The following KLHL2 variants were observed in gnomAD, a reference collection of about 807,000 sequenced individuals.
The protein encoded by KLHL2 is kelch-like protein 2.
A neutral mutation model predicts 75.8 loss-of-function variants in KLHL2; 15 were observed. That is an observed-to-expected ratio of 0.20 (90% CI 0.13 to 0.30). KLHL2 has a LOEUF of 0.30. Among genes scored for constraint, KLHL2 ranks in the 10% least tolerant of loss-of-function variants. The pLI is 1.00. For missense variants in KLHL2, 381 were observed against 741.0 expected (o/e 0.51, Z 5.64); for synonymous variants, 214 against 251.9 (o/e 0.85, Z 1.42).
intron 5 of KLHL2, among the ~76,000 whole-genome samples, chr4:165,286,354 G>A (rs893293946): frequency 3.9e-5 from 6 of 152,158 alleles, no homozygotes; most frequent in African/African-American, 2.4e-5. Flanking sequence ...ATTGGGGTTT[G>A]GGGGGAGAGG....
At chr4:165,237,826 T>C (rs1286384465) in intron 3 of KLHL2, among the ~76,000 whole-genome samples, 1 of 152,048 alleles carries the variant, frequency 6.6e-6, no homozygotes, top group African/African-American at 2.4e-5. Context: ...TCTTGGACTG[T>C]CCTTTTAGTT....
intron 13 of KLHL2, among the ~76,000 whole-genome samples, chr4:165,315,979 G>C (rs1019882988): frequency 1.3e-5 from 2 of 152,116 alleles, no homozygotes; most frequent in African/African-American, 4.8e-5. Flanking sequence ...TTAATACCTA[G>C]CACATCTGTA....
chr4:165,277,438 A>G (rs1170134408), intron 5 of KLHL2, among the ~76,000 whole-genome samples: 1 of 152,240 alleles, frequency 6.6e-6, no homozygotes, highest in Admixed American at 6.5e-5. Flanking sequence ...AATTTAGTAG[A>G]TATTTCTATT....
At chr4:165,233,306 G>A (rs1443570538) in intron 3 of KLHL2, among the ~76,000 whole-genome samples, 2 of 152,184 alleles carry the variant, frequency 1.3e-5, no homozygotes, top group South Asian at 2.1e-4. Flanking sequence ...TTGGGTTCTC[G>A]TGTTTTTAGA....
intron 4 of KLHL2, among the ~76,000 whole-genome samples, chr4:165,241,739 C>A (rs1439486954): frequency 2.6e-5 from 4 of 152,140 alleles, no homozygotes; most frequent in African/African-American, 9.7e-5. Context: ...CAGGGCCATA[C>A]CCCTGGTTTC....
chr4:165,238,635 G>T lies in KLHL2; in HGVS notation c.260-143G>T. 9 of 1,484,330 alleles carry T rather than the reference G, an allele frequency of 6.1e-6. No individual in the cohort carries two copies. In the South Asian group the frequency reaches 1.2e-4, roughly 20 times the overall value. The allele number at this position is 1,484,330 out of a possible 1,614,324, so 91.9% of individuals were successfully genotyped here. ...GAGCTTTTGGAAGAGGAAGGGGGGA[G>T]TATTTTCGGCCTGCAAAAAGTGGCT... On this transcript the variant is annotated intron_variant, in intron 3 of 14. Transcript: ENST00000226725.
intron 4 of KLHL2, among the ~76,000 whole-genome samples, chr4:165,249,242 T>C (rs1378533121): frequency 6.6e-6 from 1 of 152,196 alleles, no homozygotes; most frequent in Non-Finnish European, 1.5e-5. Flanking sequence ...TGTTAGCTCC[T>C]TCAGAGTTGA....
chr4:165,217,828 A>T (rs745536296), intron 1 of KLHL2, among the ~76,000 whole-genome samples: 2 of 152,206 alleles, frequency 1.3e-5, no homozygotes, highest in Non-Finnish European at 2.9e-5. Context: ...TGGTGATTTG[A>T]TGCCTTCACT....
At chr4:165,298,885 G>A (rs1217561854) in intron 7 of KLHL2, among the ~76,000 whole-genome samples, 1 of 151,814 alleles carries the variant, frequency 6.6e-6, no homozygotes, top group Non-Finnish European at 1.5e-5. Context: ...TGCCAGGATT[G>A]TACCACTGAA....
intron 13 of KLHL2, among the ~76,000 whole-genome samples, chr4:165,314,810 A>G (rs903371988): frequency 6.6e-6 from 1 of 152,168 alleles, no homozygotes; most frequent in East Asian, 1.9e-4. Flanking sequence ...CAAGATAGCT[A>G]CATAGCCTTT....
At chr4:165,226,011 G>GT (rs971533382) in intron 2 of KLHL2, among the ~76,000 whole-genome samples, 4 of 152,194 alleles carry the variant, frequency 2.6e-5, no homozygotes, top group Non-Finnish European at 5.9e-5. Flanking sequence ...ATGAATAATT[G>GT]TAATTGAAAC....
chr4:165,309,194 G>A (rs1017276323), intron 9 of KLHL2, among the ~76,000 whole-genome samples: 6 of 152,036 alleles, frequency 3.9e-5, no homozygotes, highest in Non-Finnish European at 8.8e-5. Flanking sequence ...TATTATAGAC[G>A]GTACATTTAT....
At chr4:165,288,958 C>T (rs1054226804) in intron 5 of KLHL2, among the ~76,000 whole-genome samples, 3 of 151,704 alleles carry the variant, frequency 2.0e-5, no homozygotes, top group Non-Finnish European at 4.4e-5. Flanking sequence ...ATGAACTAAG[C>T]ACCAGACAGA....
At chr4:165,262,644 T>C (rs1741785746) in intron 4 of KLHL2, among the ~76,000 whole-genome samples, 3 of 152,122 alleles carry the variant, frequency 2.0e-5, no homozygotes, top group Non-Finnish European at 4.4e-5. Flanking sequence ...TGTGGGGTGA[T>C]CACAGATTAC....
intron 5 of KLHL2, among the ~76,000 whole-genome samples, chr4:165,286,235 G>A (rs1421533497): frequency 7.2e-5 from 11 of 152,112 alleles, no homozygotes; most frequent in Admixed American, 5.2e-4. Context: ...AGGACTGCTT[G>A]TATGTGGTAC....
chr4:165,235,341 C>T lies in KLHL2; in HGVS notation c.260-3437C>T, dbSNP rs191296833. Reference sequence around the variant, plus strand: ...TCAGCCTCTCACGTAGCTGGGATTACAGGCATGTACCAGCATGCCTGGCTA... The same window carrying T: ...TCAGCCTCTCACGTAGCTGGGATTATAGGCATGTACCAGCATGCCTGGCTA... On this transcript the variant is annotated intron_variant, in intron 3 of 14. Transcript: ENST00000226725. Among the ~76,000 whole-genome samples, 25 of 152,304 alleles carry T rather than the reference C, an allele frequency of 1.6e-4. No homozygotes were observed. In the East Asian group the frequency reaches 4.6e-3, roughly 28 times the overall value.
At chr4:165,269,826 T>G (rs1030184620) in intron 5 of KLHL2, among the ~76,000 whole-genome samples, 1 of 152,020 alleles carries the variant, frequency 6.6e-6, no homozygotes, top group Admixed American at 6.6e-5. Flanking sequence ...TCTTTGTCTT[T>G]GTGGTGTTCT....
chr4:165,321,327 G>C, intron 14 of KLHL2: 1 of 455,978 alleles, frequency 2.2e-6, no homozygotes, highest in South Asian at 1.6e-5. Flanking sequence ...TCAATGTGAA[G>C]AGACAAGGAT....
intron 4 of KLHL2, among the ~76,000 whole-genome samples, chr4:165,247,201 G>A (rs1003722062): frequency 5.3e-5 from 8 of 152,316 alleles, no homozygotes; most frequent in Middle Eastern, 3.4e-3. Context: ...ACTTTACTCA[G>A]AAATGTTCCA....
Sources: gnomAD v4.1 joint callset for allele counts (sites outside exome capture counted in the v4.1 genomes callset) on GRCh38, gnomAD v4.1.1 for gene constraint, MANE v1.5 for transcripts, NCBI Gene and HGNC (gene_info 2026-07-23, HGNC 2026-07-21) for gene names.